The following NTM variants were observed in gnomAD, a reference collection of about 807,000 sequenced individuals.
NTM encodes the protein neurotrimin.
A neutral mutation model predicts 42.1 loss-of-function variants in NTM; 13 were observed. The ratio of observed to expected loss-of-function variants is 0.31; its 90% confidence interval spans 0.20 to 0.49. NTM has a LOEUF of 0.49. Among genes scored for constraint, NTM ranks in the 20% least tolerant of loss-of-function variants. The pLI is 0.99. For missense variants in NTM, 373 were observed against 452.8 expected (o/e 0.82, Z 1.60); for synonymous variants, 187 against 179.2 (o/e 1.04, Z -0.35).
chr11:131,687,467 T>C (rs891908554), intron 1 of NTM, among the ~76,000 whole-genome samples: 3 of 152,162 alleles, frequency 2.0e-5, no homozygotes, highest in Non-Finnish European at 2.9e-5. Context: ...AGCCCTCTGC[T>C]CCTCAGACCA....
chr11:131,584,075 C>T (rs1485919397), intron 1 of NTM, among the ~76,000 whole-genome samples: 2 of 152,198 alleles, frequency 1.3e-5, no homozygotes, highest in Non-Finnish European at 2.9e-5. Flanking sequence ...CTGGCATCTT[C>T]CTGGGATCCC....
intron 2 of NTM, among the ~76,000 whole-genome samples, chr11:131,983,536 C>G (rs1243352100): frequency 6.6e-6 from 1 of 151,930 alleles, no homozygotes; most frequent in Admixed American, 6.6e-5. Flanking sequence ...CTACCACACC[C>G]AGCTAATTTT....
chr11:131,738,669 C>G (rs1450587580), intron 1 of NTM, among the ~76,000 whole-genome samples: 1 of 152,186 alleles, frequency 6.6e-6, no homozygotes, highest in African/African-American at 2.4e-5. Flanking sequence ...TAATTAGACA[C>G]TATGTTCTGT....
chr11:131,778,940 C>A (rs908381701), intron 1 of NTM, among the ~76,000 whole-genome samples: 3 of 152,250 alleles, frequency 2.0e-5, no homozygotes, highest in Admixed American at 2.0e-4. Context: ...GGATAGTCAC[C>A]CCTGTGATTA....
chr11:132,128,624 C>T (rs10791205), intron 2 of NTM, among the ~76,000 whole-genome samples: 73,104 of 151,624 alleles, frequency 0.48, 18,374 homozygotes, highest in Non-Finnish European at 0.56. Context: ...GTACAAGAGG[C>T]TGATAAGGGG....
intron 1 of NTM, among the ~76,000 whole-genome samples, chr11:131,544,743 G>A (rs2053702201): frequency 1.3e-5 from 2 of 152,290 alleles, no homozygotes; most frequent in African/African-American, 2.4e-5. Context: ...GCAGCCCTGG[G>A]CATACAAGGA....
intron 1 of NTM, among the ~76,000 whole-genome samples, chr11:131,752,715 C>A (rs1164933075): frequency 1.3e-5 from 2 of 152,118 alleles, no homozygotes; most frequent in Non-Finnish European, 2.9e-5. Flanking sequence ...TGGATCCCTT[C>A]CTTACACCTT....
Position 131,429,753 on chromosome 11 carries a change from C to G in NTM, c.82+58865C>G, listed in dbSNP as rs1440254829. On this transcript the variant is annotated intron_variant, in intron 1 of 8. Transcript: ENST00000683400. ...CTCCATATCACCAGGGTTTTCTGCT[C>G]ACACAGTGTTGCGCTAATTGCATAT... 2.0e-5 allele frequency among the ~76,000 whole-genome samples: 3 copies of G among 152,154 alleles called. No homozygotes were observed. The East Asian group carries it at 5.8e-4, about 29-fold the overall frequency.
At chr11:132,108,074 C>T (rs1367973952) in intron 2 of NTM, among the ~76,000 whole-genome samples, 3 of 152,202 alleles carry the variant, frequency 2.0e-5, no homozygotes, top group Non-Finnish European at 2.9e-5. Context: ...CCACCTTCCA[C>T]GTTGTTGCTC....
At chr11:131,620,775 T>G (rs1245801766) in intron 1 of NTM, among the ~76,000 whole-genome samples, 1 of 152,242 alleles carries the variant, frequency 6.6e-6, no homozygotes, top group African/African-American at 2.4e-5. Flanking sequence ...GCTCTGGGAT[T>G]GTAGATCACA....
At chr11:132,185,923 A>T (rs2078323145) in intron 3 of NTM, among the ~76,000 whole-genome samples, 1 of 152,172 alleles carries the variant, frequency 6.6e-6, no homozygotes, top group Non-Finnish European at 1.5e-5. Context: ...TTCAAAGCAG[A>T]CAGCTGCTCT....
In NTM at chr11:131,436,468, A is replaced by T. The variant is rs192975315; in HGVS notation, c.82+65580A>T. ...TATTGCCTCAATTTCAGAGCCTGTT[A>T]TTGGTCTACTCAGGGATTCAACTTC... On this transcript the variant is annotated intron_variant, in intron 1 of 8. Coordinates refer to ENST00000683400, the MANE Select transcript of NTM (RefSeq NM_001352005.2). 2.9e-3 allele frequency among the ~76,000 whole-genome samples: 438 copies of T among 152,164 alleles called. 1 individual carries two copies. The highest frequency in any genetic ancestry group is 0.01 in the Middle Eastern group (3 of 294).
At chr11:131,873,199 A>G (rs1001762169) in intron 1 of NTM, among the ~76,000 whole-genome samples, 2 of 152,190 alleles carry the variant, frequency 1.3e-5, no homozygotes, top group Non-Finnish European at 1.5e-5. Context: ...TAATGAGTTC[A>G]TGTCCTTTTC....
chr11:131,747,495 C>G (rs768083805), intron 1 of NTM, among the ~76,000 whole-genome samples: 3 of 152,210 alleles, frequency 2.0e-5, no homozygotes, highest in Non-Finnish European at 4.4e-5. Flanking sequence ...AATGCAATAG[C>G]TTTGTAGCTG....
intron 3 of NTM, among the ~76,000 whole-genome samples, chr11:132,209,902 G>A (rs1350454450): frequency 1.3e-5 from 2 of 152,170 alleles, no homozygotes; most frequent in African/African-American, 4.8e-5. Flanking sequence ...GTGGATGCAG[G>A]ACATACATGG....
intron 1 of NTM, among the ~76,000 whole-genome samples, chr11:131,647,164 A>G (rs946377550): frequency 2.6e-5 from 4 of 152,214 alleles, no homozygotes; most frequent in African/African-American, 9.6e-5. Flanking sequence ...ACTAAAGGTC[A>G]AGGGGATCGT....
At chr11:131,478,560 G>A (rs1343007291) in intron 1 of NTM, among the ~76,000 whole-genome samples, 4 of 152,138 alleles carry the variant, frequency 2.6e-5, no homozygotes, top group Non-Finnish European at 5.9e-5. Context: ...GGGTAGGAGT[G>A]TTTAGCAACA....
At chr11:132,209,355 T>C (rs2082467912) in intron 3 of NTM, among the ~76,000 whole-genome samples, 1 of 152,238 alleles carries the variant, frequency 6.6e-6, no homozygotes, top group South Asian at 2.1e-4. Flanking sequence ...CCACTCTCCA[T>C]TATTTCTGTC....
chr11:132,131,318 C>T (rs919145210), intron 2 of NTM, among the ~76,000 whole-genome samples: 2 of 152,196 alleles, frequency 1.3e-5, no homozygotes, highest in African/African-American at 4.8e-5. Flanking sequence ...CAGATGCCTG[C>T]TGCAGTGTGC....
Sources: allele counts gnomAD v4.1 joint callset (sites outside exome capture counted in the v4.1 genomes callset), GRCh38; gene constraint gnomAD v4.1.1; transcripts MANE v1.5; gene names NCBI Gene and HGNC (gene_info 2026-07-23, HGNC 2026-07-21).